The following P2RX7 variants were observed in gnomAD, a reference collection of about 807,000 sequenced individuals.
P2RX7 encodes the protein purinergic receptor P2X 7, also known as P2X purinoceptor 7.
A neutral mutation model predicts 71.6 loss-of-function variants in P2RX7; 62 were observed. The observed-to-expected ratio is 0.87, with a 90% CI of 0.71 to 1.07. The LOEUF is 1.07. P2RX7 is among the 50% of genes least tolerant of loss of function. P2RX7 has a pLI of 0.00. For synonymous variants in P2RX7, 299 were observed against 283.3 expected (o/e 1.06, Z -0.56); for missense variants, 686 against 748.5 (o/e 0.92, Z 0.97).
intron 1 of P2RX7, among the ~76,000 whole-genome samples, chr12:121,143,591 T>C (rs1038998683): frequency 6.6e-6 from 1 of 150,798 alleles, no homozygotes; most frequent in African/African-American, 2.4e-5. Flanking sequence ...GGCTCACGTC[T>C]GTAATCCCAG....
chr12:121,171,729 C>T (rs546453007), intron 8 of P2RX7, among the ~76,000 whole-genome samples: 77 of 152,236 alleles, frequency 5.1e-4, no homozygotes, highest in African/African-American at 1.8e-3. Flanking sequence ...CTACCTGCAT[C>T]AGAATAATCA....
Position 121,152,913 on chromosome 12 carries a change from C to T in P2RX7, c.126-1872C>T, listed in dbSNP as rs139596457. Among the ~76,000 whole-genome samples the T allele has an allele frequency of 9.3e-4, 142 of 152,348 alleles. 1 individual carries two copies. The highest frequency in any genetic ancestry group is 2.9e-3 in the African/African-American group (122 of 41,588). ...CCTGCTTTCCCTCTTACAAGCAATG[C>T]TGCAGAAACATTCTTGTCCATAGCT... On this transcript the variant is annotated intron_variant, in intron 1 of 12. Coordinates refer to ENST00000328963, the MANE Select transcript of P2RX7 (RefSeq NM_002562.6).
intron 8 of P2RX7, among the ~76,000 whole-genome samples, chr12:121,172,703 G>A (rs1470759545): frequency 6.6e-6 from 1 of 152,168 alleles, no homozygotes; most frequent in African/African-American, 2.4e-5. Context: ...AAGCTCTCTT[G>A]AAATAGTCAC....
chr12:121,168,407 C>T (rs1881555928), intron 8 of P2RX7, among the ~76,000 whole-genome samples: 1 of 151,742 alleles, frequency 6.6e-6, no homozygotes, highest in African/African-American at 2.4e-5. Flanking sequence ...TTTCTGGGAC[C>T]ACAGGCATGT....
rs1844783319 is a variant in P2RX7, at chr12:121,184,915, T to A, written c.*113T>A. On this transcript the variant is annotated 3_prime_UTR_variant, in exon 13 of 13. Coordinates refer to ENST00000328963, the MANE Select transcript of P2RX7 (RefSeq NM_002562.6). ...GCCTGGCTAACAAGGCGAAATCCTG[T>A]CTGTACTAAAAATACAAAAATCAGC... 2.5e-6 allele frequency: 2 copies of A among 809,272 alleles called. No homozygotes were observed. Among genetic ancestry groups the A allele is most frequent in the Non-Finnish European group, 3.9e-6 (2 of 519,476 alleles). The allele number at this position is 809,272 out of a possible 1,614,324, so 50.1% of individuals were successfully genotyped here.
At chr12:121,155,371 T>C in intron 2 of P2RX7, 1 of 1,293,840 alleles carries the variant, frequency 7.7e-7, no homozygotes, top group Non-Finnish European at 1.0e-6. Context: ...GAGACCATTC[T>C]TGGGTACATT....
intron 12 of P2RX7, among the ~76,000 whole-genome samples, chr12:121,183,604 C>T (rs1237890485): frequency 6.6e-6 from 1 of 151,156 alleles, no homozygotes; most frequent in Admixed American, 6.6e-5. Flanking sequence ...CACACACACA[C>T]ACACACACAA....
At position 121,165,342 on chromosome 12, in the gene P2RX7, A is replaced by G; in HGVS notation, c.534-15A>G. 6.2e-7 allele frequency: 1 copy of G among 1,611,486 alleles called. No homozygotes were observed. Among genetic ancestry groups the G allele is most frequent in the African/African-American group, 1.3e-5 (1 of 74,952 alleles). ...CCCCCGTCACTAATGGCCATTTTGC[A>G]TGTCTCTCTCCCAGGCCTGCTCTCT... is the stretch of plus-strand genomic sequence containing the variant. On this transcript the variant is annotated splice_polypyrimidine_tract_variant and intron_variant, in intron 5 of 12. Coordinates refer to ENST00000328963, the MANE Select transcript of P2RX7 (RefSeq NM_002562.6).
Position 121,160,757 on chromosome 12 carries a change from C to G in P2RX7, c.364-145C>G, listed in dbSNP as rs562608691. Reference sequence around the variant, plus strand: ...TTGTCCATTCATCCGTCAGTGGCCACTTGCGTGGTTTCCACTTTTTTGGCG... The same window carrying G: ...TTGTCCATTCATCCGTCAGTGGCCAGTTGCGTGGTTTCCACTTTTTTGGCG... On this transcript the variant is annotated intron_variant, in intron 3 of 12. Coordinates refer to ENST00000328963, the MANE Select transcript of P2RX7 (RefSeq NM_002562.6). 4.1e-6 allele frequency: 3 copies of G among 729,590 alleles called. No homozygotes were observed. The East Asian group carries it at 7.4e-5, about 18-fold the overall frequency. The allele number at this position is 729,590 out of a possible 1,614,324, so 45.2% of individuals were successfully genotyped here. A position where few individuals can be genotyped will look rare whatever the true frequency, so the allele number is the denominator to read the frequency against.
At chr12:121,155,348 A>G (rs1401708113) in intron 2 of P2RX7, 118 of 1,297,342 alleles carry the variant, frequency 9.1e-5, no homozygotes, top group Non-Finnish European at 1.2e-4. Flanking sequence ...TTCATCAACA[A>G]AAATGACTCC....
Position 121,166,132 on chromosome 12 carries a change from G to T in P2RX7, c.689G>T (p.Arg230Leu). The T allele has an allele frequency of 6.2e-7, 1 of 1,613,986 alleles. No individual in the cohort carries two copies. The highest frequency in any genetic ancestry group is 1.1e-5 in the South Asian group (1 of 91,050). Residue 230 changes from arginine (R) to leucine (L), a missense_variant, in exon 7 of 13, where the codon CGA (arginine) becomes CTA (leucine). Coordinates refer to ENST00000328963, the MANE Select transcript of P2RX7 (RefSeq NM_002562.6). Reference protein sequence around the residue: ...KTQNPQCPIFRLGDIFRETGD... With the variant: ...KTQNPQCPIFLLGDIFRETGD... ...CAGAATCCACAGTGTCCCATTTTCC[G>T]ACTAGGAGACATCTTCCGAGAAACA...
intron 3 of P2RX7, among the ~76,000 whole-genome samples, chr12:121,158,876 T>A (rs1169380988): frequency 6.6e-6 from 1 of 152,184 alleles, no homozygotes; most frequent in African/African-American, 2.4e-5. Flanking sequence ...TCCATGACTA[T>A]CAAGACCTAC....
chr12:121,176,377 G>T (rs1479680594), intron 9 of P2RX7, among the ~76,000 whole-genome samples: 6 of 152,174 alleles, frequency 3.9e-5, no homozygotes, highest in Non-Finnish European at 8.8e-5. Flanking sequence ...CCAAGAGCAT[G>T]TTATCTATGT....
chr12:121,176,763 A>C (rs539459167), intron 9 of P2RX7, among the ~76,000 whole-genome samples: 70 of 151,786 alleles, frequency 4.6e-4, no homozygotes, highest in Non-Finnish European at 8.7e-4. Flanking sequence ...AAAAAAAAAA[A>C]AAAAAAAAAC....
Position 121,154,986 on chromosome 12 carries a change from C to G in P2RX7, c.294+33C>G, listed in dbSNP as rs538696930. On this transcript the variant is annotated intron_variant, in intron 2 of 12. Coordinates refer to ENST00000328963, the MANE Select transcript of P2RX7 (RefSeq NM_002562.6). The surrounding 1 kb of genome is among the most constrained non-coding windows in gnomAD (Gnocchi z 4.2). ...CCTCGTAGCATTCTCCCAGGCTCGT[C>G]GCTGGTCACCGTCGCCAGGGCCTAG... The G allele has an allele frequency of 1.1e-5, 18 of 1,610,808 alleles. No individual in the cohort carries two copies. Among genetic ancestry groups the G allele is most frequent in the East Asian group, 2.2e-5 (1 of 44,860 alleles).
intron 1 of P2RX7, among the ~76,000 whole-genome samples, chr12:121,148,233 G>T (rs183965746): frequency 0.012 from 1,376 of 112,598 alleles, 20 homozygotes; most frequent in African/African-American, 0.045. Context: ...TATTTATTTT[G>T]AGACAGAGTC....
intron 3 of P2RX7, among the ~76,000 whole-genome samples, chr12:121,156,798 G>T (rs945887407): frequency 6.6e-6 from 1 of 152,090 alleles, no homozygotes; most frequent in African/African-American, 2.4e-5. Flanking sequence ...TCCCAACTTG[G>T]CTTTGCTCTC....
rs1237280306 is a variant in P2RX7 at position 121,167,562 on chromosome 12, C to T, written c.819C>T (p.Tyr273=). ...DRWFHHCRPK[Y]SFRRLDDKTT... ...GGTTCCATCACTGCCGTCCCAAATA[C>T]AGTTTCCGTCGCCTTGACGACAAGA... Residue 273 remains tyrosine, a synonymous_variant, in exon 8 of 13, where the codon TAC becomes TAT. Coordinates refer to ENST00000328963, the MANE Select transcript of P2RX7 (RefSeq NM_002562.6). 3 of 1,612,982 alleles carry T rather than the reference C, an allele frequency of 1.9e-6. No homozygotes were observed. Among genetic ancestry groups the T allele is most frequent in the Non-Finnish European group, 1.7e-6 (2 of 1,179,472 alleles).
intron 12 of P2RX7, 112 bp from the exon 13 acceptor site, chr12:121,184,193 G>C: frequency 1.5e-5 from 19 of 1,292,030 alleles, no homozygotes; most frequent in Non-Finnish European, 2.0e-5. Context: ...AATAAATGAC[G>C]GCTACTATAA....
Sources: gnomAD v4.1 joint callset for allele counts (sites outside exome capture counted in the v4.1 genomes callset) on GRCh38, gnomAD v4.1.1 for gene constraint, Gnocchi (gnomAD v3.1) non-coding constraint, MANE v1.5 for transcripts, NCBI Gene and HGNC (gene_info 2026-07-23, HGNC 2026-07-21) for gene names.